PRELID2: variants seen among roughly 807,000 people sequenced by gnomAD.
The protein encoded by PRELID2 is PRELI domain-containing protein 2.
Under a neutral mutation model 28.4 loss-of-function variants are expected in PRELID2, and 25 were observed. The ratio of observed to expected loss-of-function variants is 0.88; its 90% CI spans 0.64 to 1.23. PRELID2 has a LOEUF of 1.23. PRELID2 is among the 50% of genes most tolerant of loss of function. PRELID2 has a pLI of 0.00. For synonymous variants in PRELID2, 76 were observed against 71.6 expected (o/e 1.06, Z -0.31); for missense variants, 201 against 214.4 (o/e 0.94, Z 0.39).
chr5:145,695,664 G>A (rs1465332024), intron 1 of PRELID2, among the ~76,000 whole-genome samples: 1 of 152,086 alleles, frequency 6.6e-6, no homozygotes, highest in East Asian at 1.9e-4. Flanking sequence ...GCATCTGCTT[G>A]CAAAATGGCT....
At chr5:145,656,059 AAAAC>A (rs1289668124) in intron 1 of PRELID2, among the ~76,000 whole-genome samples, 20 of 152,224 alleles carry the variant, frequency 1.3e-4, no homozygotes, top group Middle Eastern at 3.2e-3. Context: ...TTATGAGAAA[AAAAC>A]AAACAACCCC....
At chr5:145,644,828 A>G (rs1255753133) in intron 1 of PRELID2, among the ~76,000 whole-genome samples, 2 of 152,070 alleles carry the variant, frequency 1.3e-5, no homozygotes, top group Admixed American at 6.6e-5. Flanking sequence ...TGTGGTTTTG[A>G]GTGAGTTTCT....
chr5:145,740,288 AT>A (rs1561566125), intron 1 of PRELID2, among the ~76,000 whole-genome samples: 36 of 80,308 alleles, frequency 4.5e-4, no homozygotes, highest in Middle Eastern at 5.3e-3. Context: ...ATATATATAT[AT>A]ATATATATAT....
chr5:145,816,028 G>T (rs1293593967), intron 4 of PRELID2, among the ~76,000 whole-genome samples: 3 of 150,484 alleles, frequency 2.0e-5, no homozygotes, highest in African/African-American at 7.3e-5. Flanking sequence ...AACATGTAAG[G>T]GTTCTAATTT....
chr5:145,367,736 A>G, the PRELID2 span, among the ~76,000 whole-genome samples: 1 of 151,884 alleles, frequency 6.6e-6, no homozygotes, highest in African/African-American at 2.4e-5. Context: ...GACTTCTTTC[A>G]CTTAGTAATA....
the PRELID2 span, among the ~76,000 whole-genome samples, chr5:145,420,366 A>T: frequency 6.6e-6 from 1 of 151,968 alleles, no homozygotes; most frequent in Non-Finnish European, 1.5e-5. Context: ...ACCCATGAGC[A>T]TGGAATGTTC....
chr5:145,728,754 G>T (rs1756249705), intron 1 of PRELID2: 4 of 1,437,448 alleles, frequency 2.8e-6, no homozygotes, highest in Non-Finnish European at 3.9e-6. Flanking sequence ...TGTTGTGAAG[G>T]CTTCATTTTG....
rs922736612 is a variant in PRELID2 at position 145,765,004 on chromosome 5, T to C, written c.475-4A>G. ...GCATCTCCATGATTCTAATTCCCTA[T>C]AGAAAGAAGGAAAAAAAATTAAAAT... On this transcript the variant is annotated splice_region_variant and splice_polypyrimidine_tract_variant and intron_variant, in intron 5 of 6. Coordinates refer to ENST00000683046, the MANE Select transcript of PRELID2 (RefSeq NM_205846.3). 5.7e-6 allele frequency: 9 copies of C among 1,591,744 alleles called. No individual in the cohort carries two copies. The Admixed American group carries it at 9.1e-5, about 16-fold the overall frequency.
At chr5:145,388,271 A>T in the PRELID2 span, among the ~76,000 whole-genome samples, 1 of 152,222 alleles carries the variant, frequency 6.6e-6, no homozygotes, top group Non-Finnish European at 1.5e-5. Flanking sequence ...TAGCATTTTA[A>T]GTATTTTTAA....
intron 1 of PRELID2, among the ~76,000 whole-genome samples, chr5:145,516,953 G>A (rs145318408): frequency 6.6e-6 from 1 of 152,080 alleles, no homozygotes; most frequent in African/African-American, 2.4e-5. Flanking sequence ...AACTGAAACT[G>A]GACCCTTTCC....
the PRELID2 span, among the ~76,000 whole-genome samples, chr5:145,292,628 G>A: frequency 1.2e-4 from 19 of 152,024 alleles, no homozygotes; most frequent in African/African-American, 4.6e-4. Context: ...CTGAATCTGG[G>A]TCACAGATGT....
chr5:145,711,561 G>A (rs1456751112), intron 1 of PRELID2, among the ~76,000 whole-genome samples: 2 of 152,178 alleles, frequency 1.3e-5, no homozygotes, highest in Non-Finnish European at 2.9e-5. Context: ...CTCTCCCACA[G>A]ACCTTCACTG....
chr5:145,266,235 C>G, the PRELID2 span, among the ~76,000 whole-genome samples: 1 of 151,798 alleles, frequency 6.6e-6, no homozygotes, highest in Admixed American at 6.6e-5. Flanking sequence ...GAAATCTGTT[C>G]TTACAAGAAA....
At chr5:145,499,720 T>A (rs1173474222) in intron 1 of PRELID2, among the ~76,000 whole-genome samples, 1 of 152,220 alleles carries the variant, frequency 6.6e-6, no homozygotes, top group African/African-American at 2.4e-5. Context: ...CCTTCTGTGT[T>A]CTAGGAGAAA....
chr5:145,731,394 G>C (rs1277861022), intron 1 of PRELID2, among the ~76,000 whole-genome samples: 1 of 152,220 alleles, frequency 6.6e-6, no homozygotes, highest in Non-Finnish European at 1.5e-5. Flanking sequence ...AGTCCAATTT[G>C]TCAGAGAGGT....
the PRELID2 span, among the ~76,000 whole-genome samples, chr5:145,371,959 T>C: frequency 6.6e-6 from 1 of 151,952 alleles, no homozygotes; most frequent in Non-Finnish European, 1.5e-5. Context: ...CCTTCAATTC[T>C]GCTCTTAGTT....
the PRELID2 span, among the ~76,000 whole-genome samples, chr5:145,336,029 G>A: frequency 6.6e-6 from 1 of 152,190 alleles, no homozygotes; most frequent in East Asian, 1.9e-4. Context: ...GCCAGTGATG[G>A]TGAGCATTTT....
chr5:145,457,757 G>A, the PRELID2 span, among the ~76,000 whole-genome samples: 2 of 152,206 alleles, frequency 1.3e-5, no homozygotes, highest in African/African-American at 4.8e-5. Context: ...AGGCTCAGTG[G>A]ACAAAAGTCT....
the PRELID2 span, among the ~76,000 whole-genome samples, chr5:145,352,017 G>C: frequency 6.6e-6 from 1 of 152,134 alleles, no homozygotes. Flanking sequence ...TACAACCCCC[G>C]TCTCAGGTGC....
Sources: allele counts gnomAD v4.1 joint callset (sites outside exome capture counted in the v4.1 genomes callset), GRCh38; gene constraint gnomAD v4.1.1; transcripts MANE v1.5; gene names NCBI Gene and HGNC (gene_info 2026-07-23, HGNC 2026-07-21).